The following RTKN2 variants were observed in gnomAD, a reference collection of about 807,000 sequenced individuals.
The protein encoded by RTKN2 is rhotekin-2.
A neutral mutation model predicts 71.5 loss-of-function variants in RTKN2; 69 were observed. The ratio of observed to expected loss-of-function variants is 0.96; its 90% CI spans 0.79 to 1.18. The LOEUF is 1.18. Ranked by LOEUF, RTKN2 falls within the 50% of genes most tolerant of loss-of-function variation. The pLI is 0.00. For synonymous variants in RTKN2, 236 were observed against 236.5 expected, an observed-to-expected ratio of 1.00 and a Z score of 0.02; for missense variants, 724 against 719.7, an observed-to-expected ratio of 1.01 and a Z score of -0.07.
rs534252541 is a variant in RTKN2, at chr10:62,198,012, T to C, written c.1726A>G (p.Thr576Ala). Reference protein sequence around the residue: ...RRNRLSDGEHTDTKTNFEAKP... With the variant: ...RRNRLSDGEHADTKTNFEAKP... ...GCTTCAAAATTGGTTTTAGTGTCTG[T>C]GTGCTCACCATCACTTAATCTATTT... Residue 576 changes from threonine (T) to alanine (A), a missense_variant, in exon 12 of 12, where the codon ACA becomes GCA. Coordinates refer to ENST00000373789, the MANE Select transcript of RTKN2 (RefSeq NM_145307.4). The C allele has an allele frequency of 6.2e-7, 1 of 1,614,106 alleles. No homozygotes were observed. Among genetic ancestry groups the C allele is most frequent in the African/African-American group, 1.3e-5 (1 of 75,056 alleles).
At chr10:62,203,063 G>A (rs1276684401) in intron 10 of RTKN2, among the ~76,000 whole-genome samples, 2 of 152,156 alleles carry the variant, frequency 1.3e-5, no homozygotes, top group Non-Finnish European at 2.9e-5. Flanking sequence ...GGGAGACTGA[G>A]GCAGGAGAAT....
chr10:62,259,807 C>T (rs1225115210), intron 2 of RTKN2, among the ~76,000 whole-genome samples: 3 of 152,174 alleles, frequency 2.0e-5, no homozygotes, highest in Non-Finnish European at 4.4e-5. Flanking sequence ...CCACCTTGGC[C>T]TCTCAAACTG....
At chr10:62,249,462 C>T (rs1232741013) in intron 2 of RTKN2, among the ~76,000 whole-genome samples, 3 of 52,838 alleles carry the variant, frequency 5.7e-5, no homozygotes, top group Admixed American at 6.1e-4. Context: ...TTTTTTTGTG[C>T]GTGGGGGTGG....
Position 62,198,172 on chromosome 10 carries a change from T to G in RTKN2, c.1566A>C (p.Thr522=), listed in dbSNP as rs754676886. 6.2e-7 allele frequency: 1 copy of G among 1,614,108 alleles called. No individual in the cohort carries two copies. The highest frequency in any genetic ancestry group is 1.3e-5 in the African/African-American group (1 of 75,036). Residue 522 remains threonine (T), a synonymous_variant, in exon 12 of 12, where the codon ACA becomes ACC. Transcript: ENST00000373789. ...LPFSLKSQSN[T]DQLVKDNWGK... ...CCCAGTTGTCCTTAACCAATTGATCTGTGTTACTCTGTGATTTTAAGCTGA... is the reference window on the plus strand; with the variant it reads ...CCCAGTTGTCCTTAACCAATTGATCGGTGTTACTCTGTGATTTTAAGCTGA...
At chr10:62,257,495 T>C (rs551045680) in intron 2 of RTKN2, among the ~76,000 whole-genome samples, 2 of 152,282 alleles carry the variant, frequency 1.3e-5, no homozygotes, top group African/African-American at 4.8e-5. Context: ...GTGGGTTTTA[T>C]CAAGTGAGAA....
intron 2 of RTKN2, among the ~76,000 whole-genome samples, chr10:62,254,883 C>T (rs1842645951): frequency 6.6e-6 from 1 of 152,090 alleles, no homozygotes; most frequent in Admixed American, 6.5e-5. Flanking sequence ...GCAGGAAGAT[C>T]ACTTGAACCC....
downstream of RTKN2, among the ~76,000 whole-genome samples, chr10:62,192,016 C>T (rs540960914): frequency 1.1e-3 from 170 of 151,768 alleles, 2 homozygotes; most frequent in South Asian, 0.011. Context: ...ACATGCATTA[C>T]CTTATTTAAT....
At chr10:62,192,985 T>C (rs987735676), downstream of RTKN2, among the ~76,000 whole-genome samples, 1 of 152,186 alleles carries the variant, frequency 6.6e-6, no homozygotes, top group Non-Finnish European at 1.5e-5. Flanking sequence ...TATTATATTT[T>C]ATATACATAA....
At chr10:62,232,622 C>G (rs1371128129) in intron 6 of RTKN2, among the ~76,000 whole-genome samples, 2 of 151,812 alleles carry the variant, frequency 1.3e-5, no homozygotes, top group East Asian at 3.9e-4. Context: ...TTTCTAACAT[C>G]ATTTAAATGA....
downstream of RTKN2, among the ~76,000 whole-genome samples, chr10:62,189,058 C>CTTTTT (rs34303718): frequency 4.4e-5 from 6 of 135,588 alleles, no homozygotes; most frequent in African/African-American, 1.1e-4. Flanking sequence ...ATATTTCCTA[C>CTTTTT]TTTTTTTTTT....
intron 5 of RTKN2, among the ~76,000 whole-genome samples, chr10:62,237,736 A>T (rs1842288033): frequency 1.3e-5 from 2 of 151,242 alleles, no homozygotes; most frequent in African/African-American, 2.4e-5. Flanking sequence ...TATAAATAAC[A>T]TTTTACTATC....
downstream of RTKN2, among the ~76,000 whole-genome samples, chr10:62,192,803 G>GGTTGGA (rs1189372075): frequency 1.3e-5 from 2 of 152,190 alleles, no homozygotes; most frequent in African/African-American, 4.8e-5. Flanking sequence ...GGGCATGGCA[G>GGTTGGA]GTTGGAGCTG....
At chr10:62,248,173 A>T (rs117536039) in intron 2 of RTKN2, among the ~76,000 whole-genome samples, 61 of 152,260 alleles carry the variant, frequency 4.0e-4, no homozygotes, top group Non-Finnish European at 8.2e-4. Flanking sequence ...CAAACTTAGT[A>T]TACACAAATA....
Position 62,205,042 on chromosome 10 carries a change from T to A in RTKN2, c.1021-20A>T, listed in dbSNP as rs775945982. ...GGTTTCCTAAAAATTAAGAAAAAAA[T>A]TGGGGTTTTGCATGAGAAAATTTCT... is the stretch of plus-strand genomic sequence containing the variant. On this transcript the variant is annotated intron_variant, in intron 9 of 11. Transcript: ENST00000373789. 1 of 1,568,438 alleles carries A rather than the reference T, an allele frequency of 6.4e-7. No individual in the cohort carries two copies. The highest frequency in any genetic ancestry group is 2.3e-5 in the East Asian group (1 of 43,108).
At chr10:62,206,351 A>C (rs1486384157) in intron 9 of RTKN2, among the ~76,000 whole-genome samples, 2 of 152,124 alleles carry the variant, frequency 1.3e-5, no homozygotes, top group Non-Finnish European at 2.9e-5. Flanking sequence ...TCACACACCA[A>C]AACCCACATA....
intron 3 of RTKN2, among the ~76,000 whole-genome samples, chr10:62,242,811 G>T (rs571289496): frequency 6.6e-6 from 1 of 151,714 alleles, no homozygotes; most frequent in Non-Finnish European, 1.5e-5. Flanking sequence ...TTGATTTTCA[G>T]TAGAGACAAG....
At chr10:62,220,437 T>C (rs1423058783) in intron 7 of RTKN2, among the ~76,000 whole-genome samples, 4 of 152,198 alleles carry the variant, frequency 2.6e-5, no homozygotes, top group Non-Finnish European at 5.9e-5. Flanking sequence ...ACATCTGAAA[T>C]CAACTTTGTG....
intron 6 of RTKN2, among the ~76,000 whole-genome samples, chr10:62,224,868 G>A: frequency 6.6e-6 from 1 of 152,146 alleles, no homozygotes; most frequent in Non-Finnish European, 1.5e-5. Flanking sequence ...AGCAAGCATG[G>A]TGCAACGCAA....
At chr10:62,264,442 C>G (rs1319481205) in intron 1 of RTKN2, among the ~76,000 whole-genome samples, 2 of 152,214 alleles carry the variant, frequency 1.3e-5, no homozygotes, top group South Asian at 2.1e-4. Context: ...TTCAACAACT[C>G]CATTTCATCT....
Sources: allele counts gnomAD v4.1 joint callset (sites outside exome capture counted in the v4.1 genomes callset), GRCh38; gene constraint gnomAD v4.1.1; transcripts MANE v1.5; gene names NCBI Gene and HGNC (gene_info 2026-07-23, HGNC 2026-07-21).